AKAP6: variants seen among roughly 807,000 people sequenced by gnomAD.
AKAP6 encodes A-kinase anchor protein 6.
Under a neutral mutation model 188.5 loss-of-function variants are expected in AKAP6, and 58 were observed. The observed-to-expected ratio is 0.31, with a 90% CI of 0.25 to 0.38. The LOEUF (loss-of-function observed/expected upper bound fraction) is 0.38. Ranked by LOEUF, AKAP6 falls within the 10% of genes least tolerant of loss-of-function variation. The pLI is 1.00. For missense variants in AKAP6, 2,710 were observed against 2,740.0 expected (o/e 0.99, Z 0.24); for synonymous variants, 989 against 998.6 (o/e 0.99, Z 0.18).
intron 2 of AKAP6, among the ~76,000 whole-genome samples, chr14:32,487,589 C>T (rs938867737): frequency 2.0e-5 from 3 of 152,222 alleles, no homozygotes; most frequent in African/African-American, 4.8e-5. Context: ...CCCTTGCTGG[C>T]GAGGAGTTGT....
intron 1 of AKAP6, among the ~76,000 whole-genome samples, chr14:32,408,026 T>C (rs1889354736): frequency 6.6e-6 from 1 of 152,202 alleles, no homozygotes; most frequent in South Asian, 2.1e-4. Context: ...GATGTCAGAA[T>C]CTTCCATAAC....
intron 4 of AKAP6, among the ~76,000 whole-genome samples, chr14:32,573,834 T>C (rs1884603673): frequency 6.6e-6 from 1 of 152,176 alleles, no homozygotes; most frequent in African/African-American, 2.4e-5. Context: ...GTTGTGTGTG[T>C]CCAAATGTGA....
intron 9 of AKAP6, among the ~76,000 whole-genome samples, chr14:32,701,005 A>G (rs947726730): frequency 1.3e-5 from 2 of 152,196 alleles, no homozygotes; most frequent in African/African-American, 4.8e-5. Context: ...GAGAATTTAT[A>G]CTAAAGATTT....
Position 32,512,417 on chromosome 14 carries a change from G to A in AKAP6, c.325-23137G>A, listed in dbSNP as rs188120501. Reference sequence around the variant, plus strand: ...AAATTAATCTGGAGGTTTAGAAAGTGCATTGAAATTGAATTTGTTTCTTAG... The same window carrying A: ...AAATTAATCTGGAGGTTTAGAAAGTACATTGAAATTGAATTTGTTTCTTAG... On this transcript the variant is annotated intron_variant, in intron 2 of 13. Transcript: ENST00000280979. 2.0e-4 allele frequency among the ~76,000 whole-genome samples: 30 copies of A among 152,272 alleles called. No individual in the cohort carries two copies. In the East Asian group the frequency reaches 2.5e-3, roughly 13 times the overall value.
chr14:32,823,016 A>G lies in AKAP6; in HGVS notation c.5203A>G (p.Ser1735Gly). Residue 1735 changes from serine to glycine, a missense_variant, in exon 13 of 14, where the codon AGC becomes GGC. Ser to Gly is a moderately conservative substitution (Grantham distance 56). This residue lies in a region of AKAP6 where 2,473 missense variants were observed against 2,426.1 expected (regional missense o/e 1.02). Transcript: ENST00000280979. ...SVADESDVNV[S>G]MIVNVSCTSA... ...GGCTGATGAAAGCGATGTCAATGTC[A>G]GCATGATTGTTAATGTCTCTTGCAC... 1 of 1,613,924 alleles carries G rather than the reference A, an allele frequency of 6.2e-7. No homozygotes were observed. The highest frequency in any genetic ancestry group is 1.3e-5 in the African/African-American group (1 of 75,026).
intron 2 of AKAP6, among the ~76,000 whole-genome samples, chr14:32,440,586 C>T (rs896872899): frequency 6.6e-6 from 1 of 152,096 alleles, no homozygotes; most frequent in Non-Finnish European, 1.5e-5. Context: ...TTAGGCCATT[C>T]CCAACTTTCT....
At chr14:32,567,822 C>T (rs562788957) in intron 4 of AKAP6, among the ~76,000 whole-genome samples, 1 of 152,210 alleles carries the variant, frequency 6.6e-6, no homozygotes, top group Admixed American at 6.5e-5. Context: ...CAGCCCTTTT[C>T]ACTAAAACTT....
intron 4 of AKAP6, among the ~76,000 whole-genome samples, chr14:32,549,570 A>G (rs1883361769): frequency 6.6e-6 from 1 of 152,194 alleles, no homozygotes; most frequent in South Asian, 2.1e-4. Flanking sequence ...ACGCCAAGGC[A>G]ATTAGAATTT....
chr14:32,780,155 A>AATATATATATATATATATATATATAT (rs1555361856), intron 12 of AKAP6, among the ~76,000 whole-genome samples: 4 of 91,444 alleles, frequency 4.4e-5, no homozygotes, highest in African/African-American at 1.6e-4. Context: ...TGAAAAAAAA[A>AATATATATATATATATATATATATAT]ACATATATAT....
Position 32,776,390 on chromosome 14 carries a change from T to G in AKAP6, c.3588+2497T>G, listed in dbSNP as rs948983904. 3.3e-5 allele frequency among the ~76,000 whole-genome samples: 5 copies of G among 152,188 alleles called. No homozygotes were observed. In the East Asian group the frequency reaches 9.6e-4, roughly 29 times the overall value. On this transcript the variant is annotated intron_variant, in intron 12 of 13. Coordinates refer to ENST00000280979, the MANE Select transcript of AKAP6 (RefSeq NM_004274.5). ...CTTTCACTTGGTTGTCATTCTCTCT[T>G]GTCTGCTGCCATGTAAGATGTGCCT...
chr14:32,617,807 T>C (rs1237040235), intron 7 of AKAP6, among the ~76,000 whole-genome samples: 2 of 152,282 alleles, frequency 1.3e-5, no homozygotes, highest in Non-Finnish European at 2.9e-5. Flanking sequence ...TGTGTATTTT[T>C]AGTAGAGACA....
At chr14:32,494,280 A>G (rs1295212969) in intron 2 of AKAP6, 4 of 152,158 alleles carry the variant, frequency 2.6e-5, no homozygotes, top group African/African-American at 9.7e-5. Flanking sequence ...AACCATGAGT[A>G]GGGTGTTGAT....
intron 4 of AKAP6, among the ~76,000 whole-genome samples, chr14:32,564,350 A>C (rs1406743946): frequency 1.3e-5 from 2 of 152,218 alleles, no homozygotes; most frequent in African/African-American, 2.4e-5. Context: ...ATTCTTACAG[A>C]ACTCTTTACC....
intron 4 of AKAP6, among the ~76,000 whole-genome samples, chr14:32,557,578 A>G (rs977742177): frequency 1.8e-4 from 28 of 152,232 alleles, no homozygotes; most frequent in African/African-American, 6.7e-4. Context: ...TATACCCACC[A>G]TGCACCAGTG....
In AKAP6 at chr14:32,545,582, A is replaced by G. The variant is rs753228134; in HGVS notation, c.929A>G (p.Asp310Gly). 1.9e-6 allele frequency: 3 copies of G among 1,614,216 alleles called. No individual in the cohort carries two copies. In the East Asian group the frequency reaches 6.7e-5, roughly 36 times the overall value. ...SVDDKGGCEEDNASAVEEQPG... is the reference protein window; with the variant it reads ...SVDDKGGCEEGNASAVEEQPG... ...GACGACAAAGGTGGATGTGAGGAAG[A>G]CAATGCTTCTGCAGTCGAAGAGCAA... The change falls in exon 4 of 14, where the codon GAC becomes GGC. Residue 310 changes from aspartate to glycine, a missense_variant. Around this residue, in one of 2 missense-constraint regions of AKAP6, gnomAD observed 2,473 missense variants for 2,426.1 expected, o/e 1.02. Transcript: ENST00000280979.
At position 32,632,879 on chromosome 14, in the gene AKAP6, A is replaced by G. The variant is rs183650288; in HGVS notation, c.2730+32087A>G. On this transcript the variant is annotated intron_variant, in intron 7 of 13. Transcript: ENST00000280979. ...GCATATTTGGGGGTAACTTGTTTGT[A>G]CCAAAATGTGGTTAGATTAGTTGAT... Among the ~76,000 whole-genome samples, 23 of 152,254 alleles carry G rather than the reference A, an allele frequency of 1.5e-4. No homozygotes were observed. The East Asian group carries it at 4.1e-3, about 27-fold the overall frequency.
intron 1 of AKAP6, among the ~76,000 whole-genome samples, chr14:32,427,431 T>C (rs1890072708): frequency 6.6e-6 from 1 of 152,220 alleles, no homozygotes; most frequent in Admixed American, 6.5e-5. Flanking sequence ...AGCAACTCTT[T>C]GCCTCTTCTA....
intron 7 of AKAP6, among the ~76,000 whole-genome samples, chr14:32,643,422 C>T (rs1887848117): frequency 6.6e-6 from 1 of 152,080 alleles, no homozygotes; most frequent in South Asian, 2.1e-4. Flanking sequence ...ATTCTCCCGC[C>T]TCAGCCTCCT....
chr14:32,537,754 CT>C, intron 3 of AKAP6, among the ~76,000 whole-genome samples: 5 of 152,108 alleles, frequency 3.3e-5, no homozygotes, highest in Admixed American at 1.3e-4. Context: ...TAGCAGTGCT[CT>C]AGGGTTTGTT....
Sources: gnomAD v4.1 joint callset for allele counts (sites outside exome capture counted in the v4.1 genomes callset) on GRCh38, gnomAD v4.1.1 for gene constraint, gnomAD v4.1.1 regional missense constraint, MANE v1.5 for transcripts, NCBI Gene and HGNC (gene_info 2026-07-23, HGNC 2026-07-21) for gene names.